The following BLM variants were observed in gnomAD, a reference collection of about 807,000 sequenced individuals.
BLM encodes the protein recQ-like DNA helicase BLM.
BLM carries 95 observed loss-of-function variants against 135.3 expected under a neutral mutation model. That is an observed-to-expected ratio of 0.70 (90% CI 0.59 to 0.83). The LOEUF (loss-of-function observed/expected upper bound fraction) is 0.83, where lower values mean the gene tolerates loss of function less well. Ranked by LOEUF, BLM falls within the 40% of genes least tolerant of loss-of-function variation. BLM has a pLI of 0.00. For missense variants in BLM, 1,518 were observed against 1,663.9 expected, an observed-to-expected ratio of 0.91 and a Z score of 1.53; for synonymous variants, 520 against 589.2, an observed-to-expected ratio of 0.88 and a Z score of 1.70.
intron 1 of BLM, among the ~76,000 whole-genome samples, chr15:90,720,650 G>A (rs972552012): frequency 3.3e-5 from 5 of 149,514 alleles, no homozygotes; most frequent in Admixed American, 1.3e-4. Flanking sequence ...TTTTGAGATA[G>A]GGCTCACTGC....
intron 1 of BLM, among the ~76,000 whole-genome samples, chr15:90,721,112 G>A (rs775786764): frequency 1.1e-4 from 17 of 152,028 alleles, no homozygotes; most frequent in Non-Finnish European, 2.5e-4. Flanking sequence ...ATAAATTTTC[G>A]CAATATTCCT....
chr15:90,749,469 T>C lies in BLM; in HGVS notation c.201T>C (p.Val67=), dbSNP rs563887813. The C allele has an allele frequency of 9.3e-6, 15 of 1,613,158 alleles. 1 individual carries two copies. In the African/African-American group the frequency reaches 1.6e-4, roughly 17 times the overall value. ...TPVLRNKDVN[V]TEDFSFSEPL... is the part of the protein sequence containing the mutation. ...TATTAAGAAATAAAGATGTTAATGT[T>C]ACCGAAGACTTTTCCTTCAGTGAAC... The change falls in exon 3 of 22, where the codon GTT becomes GTC. Residue 67 remains valine, a synonymous_variant. Coordinates refer to ENST00000355112, the MANE Select transcript of BLM (RefSeq NM_000057.4).
chr15:90,812,776 C>T (rs28385166), intron 21 of BLM, among the ~76,000 whole-genome samples: 5,993 of 152,260 alleles, frequency 0.039, 146 homozygotes, highest in Non-Finnish European at 0.054. Context: ...ACCAAATTGT[C>T]ATTTTCTTGT....
intron 17 of BLM, 52 bp downstream of exon 17, chr15:90,798,389 T>C (rs1897084906): frequency 4.5e-6 from 7 of 1,569,110 alleles, no homozygotes; most frequent in Non-Finnish European, 6.1e-6. Flanking sequence ...ATTGAACATC[T>C]AAAGAATTTA....
intron 12 of BLM, among the ~76,000 whole-genome samples, chr15:90,770,205 G>A (rs1245476953): frequency 3.2e-5 from 4 of 124,626 alleles, no homozygotes; most frequent in African/African-American, 6.4e-5. Flanking sequence ...ATGGAGTCTC[G>A]CTCTGTCGCC....
chr15:90,735,260 T>TAG (rs1895182470), intron 1 of BLM, among the ~76,000 whole-genome samples: 1 of 145,446 alleles, frequency 6.9e-6, no homozygotes, highest in Admixed American at 6.9e-5. Flanking sequence ...TATATATATA[T>TAG]ATATATATAT....
In BLM at chr15:90,798,685, TAAA is replaced by T. The variant is rs906550731; in HGVS notation, c.3358+351_3358+353del. Among the ~76,000 whole-genome samples the T allele has an allele frequency of 1.4e-4, 21 of 145,404 alleles. 1 individual carries two copies. The highest frequency in any genetic ancestry group is 1.3e-3 in the Admixed American group (19 of 14,798). On this transcript the variant is annotated intron_variant, in intron 17 of 21. Coordinates refer to ENST00000355112, the MANE Select transcript of BLM (RefSeq NM_000057.4). ...AGAGACTATTATCAGATTAGTGCCTTAAAAATCTCTCAGGGGCTGAGCACAGTG... is the reference window on the plus strand; with the variant it reads ...AGAGACTATTATCAGATTAGTGCCTTAATCTCTCAGGGGCTGAGCACAGTG...
At chr15:90,736,795 TAAGA>T (rs968646519) in intron 1 of BLM, among the ~76,000 whole-genome samples, 12 of 152,266 alleles carry the variant, frequency 7.9e-5, no homozygotes, top group African/African-American at 2.6e-4. Context: ...ATTTTTTATG[TAAGA>T]AAGAAGGGAA....
At chr15:90,791,014 G>A (rs961739363) in intron 15 of BLM, among the ~76,000 whole-genome samples, 170 bp downstream of exon 15, 1 of 152,134 alleles carries the variant, frequency 6.6e-6, no homozygotes. Flanking sequence ...TTATAAAAGT[G>A]GTAAGTGCTT....
At chr15:90,765,751 C>T (rs1596234639) in intron 9 of BLM, among the ~76,000 whole-genome samples, 1 of 152,190 alleles carries the variant, frequency 6.6e-6, no homozygotes, top group East Asian at 1.9e-4. Context: ...CACATGCATG[C>T]CTGCACACAT....
chr15:90,801,996 C>T (rs1489222735), intron 17 of BLM, among the ~76,000 whole-genome samples: 1 of 152,020 alleles, frequency 6.6e-6, no homozygotes, highest in Non-Finnish European at 1.5e-5. Context: ...ATCGAGGTGG[C>T]AGTGAGCTGT....
At chr15:90,738,571 A>G (rs1338947147) in intron 1 of BLM, among the ~76,000 whole-genome samples, 1 of 146,512 alleles carries the variant, frequency 6.8e-6, no homozygotes, top group African/African-American at 2.6e-5. Flanking sequence ...TCAAAAAACA[A>G]AACAAAACAA....
rs1410283592 is a variant in BLM, at chr15:90,760,932, T to C, written c.1559T>C (p.Phe520Ser). Residue 520 changes from phenylalanine (F) to serine (S), a missense_variant, in exon 7 of 22, where the codon TTC becomes TCC. This residue lies in a region of BLM where 724 missense variants were observed against 756.9 expected (regional missense o/e 0.96). Transcript: ENST00000355112. ...RLGKKNESSYFPGNVLTSTAV... is the reference protein window; with the variant it reads ...RLGKKNESSYSPGNVLTSTAV... ...GGAAAAAAAAATGAAAGCTCTTATT[T>C]CCCAGGAAATGTTCTCACAAGCACT... 7.4e-6 allele frequency: 12 copies of C among 1,614,054 alleles called. No individual in the cohort carries two copies. Among genetic ancestry groups the C allele is most frequent in the Non-Finnish European group, 1.0e-5 (12 of 1,180,034 alleles).
intron 5 of BLM, 99 bp downstream of exon 5, chr15:90,755,037 TA>T: frequency 7.0e-7 from 1 of 1,430,970 alleles, no homozygotes; most frequent in Non-Finnish European, 9.5e-7. Context: ...CTGTATGTTA[TA>T]AAATGGCAGA....
chr15:90,783,200 T>G (rs1164352832), intron 13 of BLM, among the ~76,000 whole-genome samples: 2 of 152,232 alleles, frequency 1.3e-5, no homozygotes, highest in African/African-American at 4.8e-5. Flanking sequence ...TTCCTCAGGC[T>G]TCTATCAGTG....
At chr15:90,809,400 C>A in intron 20 of BLM, 141 bp downstream of exon 20, 1 of 1,360,880 alleles carries the variant, frequency 7.3e-7, no homozygotes, top group Non-Finnish European at 1.0e-6. Context: ...AGTGGTGTGC[C>A]AGTCACCTCT....
chr15:90,743,536 AT>A (rs934224498), intron 1 of BLM, among the ~76,000 whole-genome samples: 2 of 151,266 alleles, frequency 1.3e-5, no homozygotes, highest in African/African-American at 4.9e-5. Flanking sequence ...TGGATGAACA[AT>A]TTTTTTTAAG....
chr15:90,761,206 A>G lies in BLM; in HGVS notation c.1833A>G (p.Ser611=), dbSNP rs747181657. The change falls in exon 7 of 22, where the codon TCA becomes TCG. Residue 611 remains serine, a synonymous_variant. Transcript: ENST00000355112. The stretch of plus-strand genomic sequence containing the variant: ...CCAAGACAGACTGTCTTCCAGTGTC[A>G]TCTACTGCTCAAAATATAAACTTCT... ...SSAKTDCLPV[S]STAQNINFSE... The G allele has an allele frequency of 9.8e-6, 15 of 1,533,226 alleles. No individual in the cohort carries two copies. The East Asian group carries it at 1.4e-4, about 14-fold the overall frequency. 95.0% of individuals were successfully genotyped at this position (1,533,226 alleles called of 1,614,324 possible).
intron 4 of BLM, among the ~76,000 whole-genome samples, 155 bp downstream of exon 4, chr15:90,752,101 A>G (rs534446247): frequency 6.6e-6 from 1 of 152,302 alleles, no homozygotes; most frequent in African/African-American, 2.4e-5. Flanking sequence ...CCCTGTTTAT[A>G]CATTTAATTG....
Sources: gnomAD v4.1 joint callset for allele counts (sites outside exome capture counted in the v4.1 genomes callset) on GRCh38, gnomAD v4.1.1 for gene constraint, gnomAD v4.1.1 regional missense constraint, MANE v1.5 for transcripts, NCBI Gene and HGNC (gene_info 2026-07-23, HGNC 2026-07-21) for gene names.